Variants in IGHMBP2 observed in about 807,000 individuals in gnomAD.
IGHMBP2 encodes the protein DNA-binding protein SMUBP-2.
A neutral mutation model predicts 96.0 loss-of-function variants in IGHMBP2; 81 were observed. The observed-to-expected ratio is 0.84, with a 90% CI of 0.71 to 1.01. IGHMBP2 has a LOEUF of 1.01. IGHMBP2 is among the 50% of genes least tolerant of loss of function. The probability of loss-of-function intolerance (pLI) is 0.00; values close to 1 mark genes in which losing one functional copy is unlikely to be tolerated. For missense variants in IGHMBP2, 1,227 were observed against 1,306.3 expected (o/e 0.94, Z 0.94); for synonymous variants, 557 against 548.9 (o/e 1.01, Z -0.21).
chr11:68,913,005 G>GCACTC, intron 5 of IGHMBP2, among the ~76,000 whole-genome samples: 1 of 124,182 alleles, frequency 8.1e-6, no homozygotes, highest in Non-Finnish European at 1.6e-5. Flanking sequence ...TCGCACCATT[G>GCACTC]CACTCCAGCC....
chr11:68,928,291 C>G (rs963364446), intron 7 of IGHMBP2, among the ~76,000 whole-genome samples: 2 of 152,154 alleles, frequency 1.3e-5, no homozygotes, highest in East Asian at 1.9e-4. Context: ...TCTGGTTTCT[C>G]TCTGTACTGT....
intron 5 of IGHMBP2, among the ~76,000 whole-genome samples, chr11:68,913,463 C>A (rs908047995): frequency 6.6e-6 from 1 of 152,008 alleles, no homozygotes; most frequent in Non-Finnish European, 1.5e-5. Flanking sequence ...AGAGACTCTG[C>A]CTCCTCTGCT....
chr11:68,915,799 G>C lies in IGHMBP2; in HGVS notation c.912+776G>C, dbSNP rs527564430. On this transcript the variant is annotated intron_variant, in intron 6 of 14. Coordinates refer to ENST00000255078, the MANE Select transcript of IGHMBP2 (RefSeq NM_002180.3). ...TACCCAGCCAGGGCTGCCCATTTTT[G>C]ATAGAGAACTATACTTAGCATTTAA... 5.3e-5 allele frequency among the ~76,000 whole-genome samples: 8 copies of C among 152,162 alleles called. No individual in the cohort carries two copies. The East Asian group carries it at 1.4e-3, about 26-fold the overall frequency.
At chr11:68,931,882 G>A (rs1024935128) in intron 8 of IGHMBP2, among the ~76,000 whole-genome samples, 4 of 152,082 alleles carry the variant, frequency 2.6e-5, no homozygotes, top group Admixed American at 6.5e-5. Context: ...GGATGGTTTC[G>A]GGGGAAGACG....
chr11:68,923,946 C>G (rs1448091704), intron 7 of IGHMBP2, among the ~76,000 whole-genome samples: 1 of 152,186 alleles, frequency 6.6e-6, no homozygotes, highest in Non-Finnish European at 1.5e-5. Context: ...CTCCTCAACT[C>G]AGGGAGCCTT....
intron 8 of IGHMBP2, chr11:68,930,449 G>T: frequency 7.8e-7 from 1 of 1,287,522 alleles, no homozygotes; most frequent in African/African-American, 1.5e-5. Flanking sequence ...GTAGAGAGAG[G>T]TGTCAAAAAT....
chr11:68,916,975 CTTTTTT>C (rs11418103), intron 6 of IGHMBP2, among the ~76,000 whole-genome samples: 1 of 103,348 alleles, frequency 9.7e-6, no homozygotes, highest in Non-Finnish European at 1.8e-5. Flanking sequence ...AAGGTTACAT[CTTTTTT>C]TTTTTTTTTT....
Position 68,904,827 on chromosome 11 carries a change from C to A in IGHMBP2, c.86+789C>A, listed in dbSNP as rs1466913454. On this transcript the variant is annotated intron_variant, in intron 1 of 14. Coordinates refer to ENST00000255078, the MANE Select transcript of IGHMBP2 (RefSeq NM_002180.3). ...TCTTTTTTTTTTTTTTAGACAGAGT[C>A]TCTCTCTGTCGCCCAGGCTGGAGTG... Among the ~76,000 whole-genome samples the A allele has an allele frequency of 3.5e-4, 8 of 22,666 alleles. No homozygotes were observed. In the Admixed American group the frequency reaches 6.0e-3, roughly 17 times the overall value. The allele number at this position is 22,666 out of a possible 152,430, so 14.9% of individuals were successfully genotyped here.
intron 14 of IGHMBP2, among the ~76,000 whole-genome samples, chr11:68,938,685 C>A (rs980445059): frequency 6.6e-6 from 1 of 152,098 alleles, no homozygotes; most frequent in South Asian, 2.1e-4. Context: ...GCCTCCAGCC[C>A]GTCATCTGAG....
intron 10 of IGHMBP2, 38 bp from the exon 11 acceptor site, chr11:68,934,426 G>A (rs761871821): frequency 6.0e-6 from 9 of 1,494,474 alleles, no homozygotes; most frequent in East Asian, 2.4e-5. Flanking sequence ...CACTTGGGGC[G>A]ACCTTGTGCT....
At chr11:68,929,075 A>G in intron 7 of IGHMBP2, 108 bp from the exon 8 acceptor site, 1 of 1,008,354 alleles carries the variant, frequency 9.9e-7, no homozygotes, top group South Asian at 1.3e-5. Context: ...ACACAGTTGC[A>G]ATGCAAGCCT....
chr11:68,918,636 C>T (rs944411961), intron 7 of IGHMBP2, among the ~76,000 whole-genome samples: 13 of 151,358 alleles, frequency 8.6e-5, no homozygotes, highest in East Asian at 1.9e-4. Flanking sequence ...AGCAAGACTC[C>T]GCCTCAAAAA....
chr11:68,921,346 AC>A, intron 7 of IGHMBP2, among the ~76,000 whole-genome samples: 1 of 152,214 alleles, frequency 6.6e-6, no homozygotes, highest in South Asian at 2.1e-4. Context: ...GGATCCTCCC[AC>A]CTTGGCCACC....
Position 68,904,055 on chromosome 11 carries a change from G to A in IGHMBP2, c.86+17G>A, listed in dbSNP as rs1325935467. ...GGAGCGCAGGTACGGGAGGCCGCCG[G>A]CGCCGCTCCCTCGCGGTCGGTCCCG... On this transcript the variant is annotated intron_variant, in intron 1 of 14. Transcript: ENST00000255078. The A allele has an allele frequency of 7.8e-6, 12 of 1,544,526 alleles. No homozygotes were observed. Among genetic ancestry groups the A allele is most frequent in the Non-Finnish European group, 1.1e-5 (12 of 1,142,176 alleles).
At chr11:68,909,183 GGT>G (rs1491256629) in intron 4 of IGHMBP2, among the ~76,000 whole-genome samples, 7 of 100,024 alleles carry the variant, frequency 7.0e-5, no homozygotes, top group African/African-American at 2.6e-4. Flanking sequence ...TGGCGGGGGG[GGT>G]GGAGGGGGGG....
rs591841 is a variant in IGHMBP2, at chr11:68,934,347, C to T, written c.1538-117C>T. Reference sequence around the variant, plus strand: ...CAGATGATTAGCTCCCAGGAAGCCACCTGAGTGGAGGATCAGCTGGCCATG... The same window carrying T: ...CAGATGATTAGCTCCCAGGAAGCCATCTGAGTGGAGGATCAGCTGGCCATG... On this transcript the variant is annotated intron_variant, in intron 10 of 14. Coordinates refer to ENST00000255078, the MANE Select transcript of IGHMBP2 (RefSeq NM_002180.3). 0.2 allele frequency: 154,572 copies of T among 762,312 alleles called. 17,552 individuals are homozygous for T. Among genetic ancestry groups the T allele is most frequent in the African/African-American group, 0.24 (14,119 of 58,270 alleles). 47.2% of individuals were successfully genotyped at this position (762,312 alleles called of 1,614,324 possible). A position where few individuals can be genotyped will look rare whatever the true frequency, so the allele number is the denominator to read the frequency against.
At chr11:68,930,254 G>T in intron 8 of IGHMBP2, 4 of 1,279,078 alleles carry the variant, frequency 3.1e-6, no homozygotes, top group South Asian at 1.3e-5. Flanking sequence ...CTTCCACCGG[G>T]GGAAGATTGA....
chr11:68,925,330 G>GT (rs1393343205), intron 7 of IGHMBP2, among the ~76,000 whole-genome samples: 2 of 151,828 alleles, frequency 1.3e-5, no homozygotes, highest in Admixed American at 1.3e-4. Flanking sequence ...TGTATATTTT[G>GT]TAGAGACTGG....
In IGHMBP2 at chr11:68,911,609, C is replaced by T; in HGVS notation, c.711+6C>T. The stretch of plus-strand genomic sequence containing the variant: ...CTGTGAAACAAGGCTTAAAGGTGGG[C>T]AGTGCATGCCACTTCCCTGTCAGAG... On this transcript the variant is annotated splice_donor_region_variant and intron_variant, in intron 5 of 14. Coordinates refer to ENST00000255078, the MANE Select transcript of IGHMBP2 (RefSeq NM_002180.3). 1 of 1,613,692 alleles carries T rather than the reference C, an allele frequency of 6.2e-7. No individual in the cohort carries two copies. Among genetic ancestry groups the T allele is most frequent in the Non-Finnish European group, 8.5e-7 (1 of 1,179,766 alleles).
Sources: allele counts gnomAD v4.1 joint callset (sites outside exome capture counted in the v4.1 genomes callset), GRCh38; gene constraint gnomAD v4.1.1; transcripts MANE v1.5; gene names NCBI Gene and HGNC (gene_info 2026-07-23, HGNC 2026-07-21).